SHROOM3: variants seen among roughly 807,000 people sequenced by gnomAD.
SHROOM3 encodes protein Shroom3.
A neutral mutation model predicts 138.6 loss-of-function variants in SHROOM3; 47 were observed. The ratio of observed to expected loss-of-function variants is 0.34; its 90% CI spans 0.27 to 0.43. SHROOM3 has a LOEUF of 0.43. SHROOM3 is among the 20% of genes least tolerant of loss of function. SHROOM3 has a pLI of 1.00. For synonymous variants in SHROOM3, 1,062 were observed against 1,063.3 expected (o/e 1.00, Z 0.02); for missense variants, 2,491 against 2,596.5 (o/e 0.96, Z 0.88).
chr4:76,617,471 G>A (rs1734907074), intron 2 of SHROOM3, among the ~76,000 whole-genome samples: 1 of 152,204 alleles, frequency 6.6e-6, no homozygotes, highest in South Asian at 2.1e-4. Flanking sequence ...CCCAGTGGGT[G>A]ACATTATGAA....
chr4:76,552,198 T>C (rs1389972745), intron 1 of SHROOM3, among the ~76,000 whole-genome samples: 1 of 150,106 alleles, frequency 6.7e-6, no homozygotes, highest in Non-Finnish European at 1.5e-5. Context: ...TAAAAGCTAT[T>C]TTATATATAT....
chr4:76,651,339 T>C (rs1353586833), intron 2 of SHROOM3, among the ~76,000 whole-genome samples: 1 of 146,618 alleles, frequency 6.8e-6, no homozygotes, highest in Non-Finnish European at 1.5e-5. Flanking sequence ...GGATACCCCA[T>C]TCTCCATGAT....
chr4:76,608,842 C>G (rs1343544764), intron 2 of SHROOM3, among the ~76,000 whole-genome samples: 2 of 152,150 alleles, frequency 1.3e-5, no homozygotes, highest in Non-Finnish European at 2.9e-5. Flanking sequence ...GAATCCATTT[C>G]TCCCTCAGTA....
At chr4:76,577,469 C>A (rs1384850301) in intron 2 of SHROOM3, among the ~76,000 whole-genome samples, 1 of 152,120 alleles carries the variant, frequency 6.6e-6, no homozygotes, top group Non-Finnish European at 1.5e-5. Context: ...CTAGAGGCAG[C>A]AATAAAGGAC....
intron 2 of SHROOM3, among the ~76,000 whole-genome samples, chr4:76,697,941 G>A (rs1006373567): frequency 6.6e-6 from 1 of 152,250 alleles, no homozygotes; most frequent in Non-Finnish European, 1.5e-5. Context: ...TAGTAACTAA[G>A]AGAAAGGAAA....
In SHROOM3 at chr4:76,553,348, T is replaced by C. The variant is rs576857138; in HGVS notation, c.169-2261T>C. ...TGAAGTGCAGTGGCATGATCTCTGC[T>C]CACTGCAACCTCCACCTCCCAGGTT... On this transcript the variant is annotated intron_variant, in intron 1 of 10. Coordinates refer to ENST00000296043, the MANE Select transcript of SHROOM3 (RefSeq NM_020859.4). 1.0e-3 allele frequency among the ~76,000 whole-genome samples: 154 copies of C among 152,238 alleles called. 1 individual carries two copies. Among genetic ancestry groups the C allele is most frequent in the Middle Eastern group, 6.8e-3 (2 of 294 alleles).
intron 6 of SHROOM3, among the ~76,000 whole-genome samples, chr4:76,751,034 C>T (rs748644030): frequency 3.9e-5 from 6 of 152,056 alleles, no homozygotes; most frequent in South Asian, 2.1e-4. Flanking sequence ...AAAGTGCAGC[C>T]GACAGGAAAA....
At chr4:76,491,389 C>T (rs1313050902) in intron 1 of SHROOM3, among the ~76,000 whole-genome samples, 1 of 152,224 alleles carries the variant, frequency 6.6e-6, no homozygotes, top group Non-Finnish European at 1.5e-5. Flanking sequence ...TGTGGCAGCT[C>T]TTTCTTCATT....
intron 1 of SHROOM3, among the ~76,000 whole-genome samples, chr4:76,521,027 T>C (rs1298679792): frequency 1.3e-5 from 2 of 152,214 alleles, no homozygotes; most frequent in Admixed American, 6.5e-5. Context: ...GTGGAATAGC[T>C]TTCCGTGGCT....
Position 76,739,179 on chromosome 4 carries a change from C to G in SHROOM3, c.1006C>G (p.Arg336Gly), listed in dbSNP as rs769596316. 2.5e-6 allele frequency: 4 copies of G among 1,614,098 alleles called. No homozygotes were observed. Among genetic ancestry groups the G allele is most frequent in the Non-Finnish European group, 3.4e-6 (4 of 1,180,006 alleles). The change falls in exon 5 of 11, where the codon CGA becomes GGA. Residue 336 changes from arginine (R) to glycine (G), a missense_variant. Around this residue, in one of 4 missense-constraint regions of SHROOM3, gnomAD observed 1,733 missense variants for 1,661.6 expected, o/e 1.04. Transcript: ENST00000296043. ...SALLLQGREA[R>G]ASANGQGYDK... is the part of the protein sequence containing the mutation. ...CCTGCTGCTTCAAGGTAGGGAGGCC[C>G]GAGCCTCAGCAAATGGTCAGGGCTA...
chr4:76,768,667 C>T (rs1378590999), intron 9 of SHROOM3, among the ~76,000 whole-genome samples: 1 of 152,088 alleles, frequency 6.6e-6, no homozygotes, highest in Non-Finnish European at 1.5e-5. Flanking sequence ...CCCACCATCA[C>T]GCCTGGCTAA....
intron 1 of SHROOM3, among the ~76,000 whole-genome samples, chr4:76,515,229 A>AG (rs1459681611): frequency 6.6e-6 from 1 of 151,554 alleles, no homozygotes; most frequent in Non-Finnish European, 1.5e-5. Context: ...AAAAAAAAAA[A>AG]AAAAAAATTA....
chr4:76,467,130 C>G (rs1731265990), intron 1 of SHROOM3, among the ~76,000 whole-genome samples: 1 of 150,734 alleles, frequency 6.6e-6, no homozygotes, highest in African/African-American at 2.4e-5. Flanking sequence ...GCAGCCTCAA[C>G]CCTCTGGGCT....
chr4:76,522,199 T>C (rs987076790), intron 1 of SHROOM3, among the ~76,000 whole-genome samples: 17 of 149,602 alleles, frequency 1.1e-4, no homozygotes, highest in African/African-American at 4.1e-4. Flanking sequence ...GAAGTTTGAA[T>C]ATCTAGTCTA....
At chr4:76,527,891 T>C (rs994940161) in intron 1 of SHROOM3, among the ~76,000 whole-genome samples, 1 of 152,202 alleles carries the variant, frequency 6.6e-6, no homozygotes, top group African/African-American at 2.4e-5. Flanking sequence ...TTGGCTTTCC[T>C]GAACCAATCC....
At chr4:76,654,398 G>A (rs1205239187) in intron 2 of SHROOM3, among the ~76,000 whole-genome samples, 1 of 152,000 alleles carries the variant, frequency 6.6e-6, no homozygotes, top group African/African-American at 2.4e-5. Context: ...TAAACCAGTT[G>A]TTTTGGCAAC....
chr4:76,467,560 A>C (rs1056908304), intron 1 of SHROOM3, among the ~76,000 whole-genome samples: 9 of 152,166 alleles, frequency 5.9e-5, no homozygotes, highest in Non-Finnish European at 1.3e-4. Flanking sequence ...AATGAAGTAC[A>C]TACAGTCTAG....
intron 1 of SHROOM3, among the ~76,000 whole-genome samples, chr4:76,490,347 G>A (rs74714278): frequency 1.2e-3 from 180 of 152,282 alleles, no homozygotes; most frequent in African/African-American, 4.3e-3. Flanking sequence ...GTTGTGGACA[G>A]CCAGTTTCCC....
At chr4:76,738,416 C>T (rs1481389030) in intron 4 of SHROOM3, among the ~76,000 whole-genome samples, 4 of 152,158 alleles carry the variant, frequency 2.6e-5, no homozygotes, top group Non-Finnish European at 4.4e-5. Flanking sequence ...CACTCTTCTA[C>T]CTCTCTCATT....
Sources: gnomAD v4.1 joint callset for allele counts (sites outside exome capture counted in the v4.1 genomes callset) on GRCh38, gnomAD v4.1.1 for gene constraint, gnomAD v4.1.1 regional missense constraint, MANE v1.5 for transcripts, NCBI Gene and HGNC (gene_info 2026-07-23, HGNC 2026-07-21) for gene names.